Variants in SDK1 observed in about 807,000 individuals in gnomAD.
SDK1 encodes the protein sidekick cell adhesion molecule 1.
In SDK1, 157 loss-of-function variants were observed where a neutral mutation model predicts 245.5. That is an observed-to-expected ratio of 0.64 (90% confidence interval 0.56 to 0.73). The LOEUF (loss-of-function observed/expected upper bound fraction) is 0.73, where lower values mean the gene tolerates loss of function less well. Ranked by LOEUF, SDK1 falls within the 30% of genes least tolerant of loss-of-function variation. SDK1 has a pLI of 0.00. For missense variants in SDK1, 3,583 were observed against 3,002.3 expected (o/e 1.19, Z -4.52); for synonymous variants, 1,647 against 1,278.5 (o/e 1.29, Z -6.15).
In SDK1 at chr7:3,619,928, C is replaced by T. The variant is rs113269809; in HGVS notation, c.458+689C>T. Among the ~76,000 whole-genome samples the T allele has an allele frequency of 4.2e-3, 639 of 152,238 alleles. 1 individual carries two copies. Among genetic ancestry groups the T allele is most frequent in the African/African-American group, 9.3e-3 (387 of 41,540 alleles). ...AGCCTTTGGAGCCTCAGGGTCTTAC[C>T]ACGCTTCAGAGCTTTCCAGGGGTAT... On this transcript the variant is annotated intron_variant, in intron 2 of 44. Coordinates refer to ENST00000404826, the MANE Select transcript of SDK1 (RefSeq NM_152744.4).
rs763037090 is a variant in SDK1 at position 4,077,015 on chromosome 7, G to A, written c.3028G>A (p.Glu1010Lys). 2 of 1,613,922 alleles carry A rather than the reference G, an allele frequency of 1.2e-6. No individual in the cohort carries two copies. Among genetic ancestry groups the A allele is most frequent in the Non-Finnish European group, 1.7e-6 (2 of 1,180,028 alleles). The change falls in exon 21 of 45, where the codon GAA (glutamate) becomes AAA (lysine). Residue 1010 changes from glutamate (E) to lysine (K), a missense_variant. Transcript: ENST00000404826. ...CTTTCTAGGCTATCAGATCTCTTGG[G>A]AAGTGTACGGCAGGAACGACTCTCG... is the stretch of plus-strand genomic sequence containing the variant. ...GIITGYQISW[E>K]VYGRNDSRLT...
intron 4 of SDK1, among the ~76,000 whole-genome samples, chr7:3,760,637 A>T (rs780485595): frequency 1.6e-4 from 25 of 152,020 alleles, no homozygotes; most frequent in Non-Finnish European, 3.2e-4. Flanking sequence ...GATTTGGGGG[A>T]CTTTTAGACT....
At chr7:3,333,534 C>A (rs1780122486) in intron 1 of SDK1, among the ~76,000 whole-genome samples, 1 of 152,136 alleles carries the variant, frequency 6.6e-6, no homozygotes, top group African/African-American at 2.4e-5. Flanking sequence ...TATTTCCTTT[C>A]ACACTCAGCC....
At chr7:3,449,989 T>G (rs989402436) in intron 1 of SDK1, among the ~76,000 whole-genome samples, 1 of 152,158 alleles carries the variant, frequency 6.6e-6, no homozygotes, top group Non-Finnish European at 1.5e-5. Context: ...TCGACGAGAC[T>G]TCATGGAAGT....
chr7:4,179,146 C>G (rs1782438251), intron 35 of SDK1: 1 of 152,446 alleles, frequency 6.6e-6, no homozygotes, highest in African/African-American at 2.4e-5. Flanking sequence ...CCCTATCCCT[C>G]TCCGGGCCCA....
chr7:3,522,743 T>C (rs574328016), intron 1 of SDK1, among the ~76,000 whole-genome samples: 14 of 152,332 alleles, frequency 9.2e-5, no homozygotes, highest in African/African-American at 3.1e-4. Context: ...CCTAAATCAC[T>C]GACCAATTCC....
intron 5 of SDK1, among the ~76,000 whole-genome samples, chr7:3,924,776 T>A (rs1218534379): frequency 6.6e-6 from 1 of 152,156 alleles, no homozygotes; most frequent in Non-Finnish European, 1.5e-5. Context: ...CCCGTCGCCC[T>A]CCTCCTAGCT....
At chr7:3,469,308 G>C (rs939833831) in intron 1 of SDK1, among the ~76,000 whole-genome samples, 2 of 152,082 alleles carry the variant, frequency 1.3e-5, no homozygotes, top group African/African-American at 4.8e-5. Flanking sequence ...GCACACACTT[G>C]TCGTCCCAGA....
chr7:3,598,535 C>G (rs1472419124), intron 1 of SDK1, among the ~76,000 whole-genome samples: 4 of 152,322 alleles, frequency 2.6e-5, no homozygotes, highest in South Asian at 2.1e-4. Context: ...AGGACACCAG[C>G]ATCAGGGCAG....
At chr7:3,317,083 A>G (rs1779681927) in intron 1 of SDK1, among the ~76,000 whole-genome samples, 1 of 140,518 alleles carries the variant, frequency 7.1e-6, no homozygotes, top group Admixed American at 7.6e-5. Context: ...TGAGGGGCTG[A>G]GGTGGGAGAA....
At chr7:3,508,956 C>T (rs1227680486) in intron 1 of SDK1, among the ~76,000 whole-genome samples, 1 of 152,118 alleles carries the variant, frequency 6.6e-6, no homozygotes, top group Non-Finnish European at 1.5e-5. Context: ...ATAAACATAT[C>T]TGCACTGTTT....
Position 4,268,074 on chromosome 7 carries a change from G to C in SDK1, c.*2690G>C, listed in dbSNP as rs1408191984. 1 of 985,346 alleles carries C rather than the reference G, an allele frequency of 1.0e-6. No individual in the cohort carries two copies. The highest frequency in any genetic ancestry group is 1.7e-5 in the African/African-American group (1 of 57,244). The allele number at this position is 985,346 out of a possible 1,614,324, so 61.0% of individuals were successfully genotyped here. On this transcript the variant is annotated 3_prime_UTR_variant, in exon 45 of 45. Transcript: ENST00000404826. ...GTTTTAAAAAGAGGACAAACAAAAT[G>C]TCTCTAAGCCAGGCTAGATGGAATG...
chr7:4,079,640 G>T, intron 22 of SDK1, 56 bp downstream of exon 22: 1 of 1,603,024 alleles, frequency 6.2e-7, no homozygotes, highest in Admixed American at 1.7e-5. Context: ...GTTGGGGCCT[G>T]TGAATGAGTG....
intron 1 of SDK1, among the ~76,000 whole-genome samples, chr7:3,469,609 G>A (rs1781120708): frequency 6.6e-6 from 1 of 152,134 alleles, no homozygotes; most frequent in African/African-American, 2.4e-5. Flanking sequence ...GTGTATGTAT[G>A]CCTAGCTTTT....
chr7:3,597,906 A>T (rs1781118844), intron 1 of SDK1, among the ~76,000 whole-genome samples: 2 of 152,108 alleles, frequency 1.3e-5, no homozygotes, highest in Admixed American at 1.3e-4. Context: ...CCGTTTATAA[A>T]AAATTACTCG....
intron 5 of SDK1, among the ~76,000 whole-genome samples, chr7:3,890,865 C>A (rs1403367845): frequency 6.6e-6 from 1 of 152,128 alleles, no homozygotes; most frequent in Non-Finnish European, 1.5e-5. Context: ...TCGCTTGAAC[C>A]CAGGAGGGGG....
Position 4,266,215 on chromosome 7 carries a change from C to T in SDK1, c.*831C>T. ...ACACGGGACGGCGTCTCCAGAATTG[C>T]TTGTTACGTAGGAAGCGTGCATTGT... On this transcript the variant is annotated 3_prime_UTR_variant, in exon 45 of 45. Coordinates refer to ENST00000404826, the MANE Select transcript of SDK1 (RefSeq NM_152744.4). 1 of 985,458 alleles carries T rather than the reference C, an allele frequency of 1.0e-6. No homozygotes were observed. The highest frequency in any genetic ancestry group is 1.2e-6 in the Non-Finnish European group (1 of 829,926). The allele number at this position is 985,458 out of a possible 1,614,324, so 61.0% of individuals were successfully genotyped here.
At chr7:3,334,278 C>T (rs750635541) in intron 1 of SDK1, among the ~76,000 whole-genome samples, 22 of 152,156 alleles carry the variant, frequency 1.4e-4, no homozygotes, top group Non-Finnish European at 2.8e-4. Flanking sequence ...TTCACCTTTC[C>T]TTGATAGGTT....
At chr7:3,687,791 G>A (rs953301431) in intron 4 of SDK1, among the ~76,000 whole-genome samples, 3 of 152,144 alleles carry the variant, frequency 2.0e-5, no homozygotes, top group Non-Finnish European at 4.4e-5. Flanking sequence ...TGATGGAAAC[G>A]CTGTGTGTCT....
Sources: gnomAD v4.1 joint callset for allele counts (sites outside exome capture counted in the v4.1 genomes callset) on GRCh38, gnomAD v4.1.1 for gene constraint, MANE v1.5 for transcripts, NCBI Gene and HGNC (gene_info 2026-07-23, HGNC 2026-07-21) for gene names.